Variants in OTUD7A observed in about 807,000 individuals in gnomAD.
OTUD7A encodes the protein OTU domain-containing protein 7A.
A neutral mutation model predicts 65.7 loss-of-function variants in OTUD7A; 12 were observed. That is an observed-to-expected ratio of 0.18 (90% CI 0.12 to 0.30). OTUD7A has a LOEUF of 0.30. Ranked by LOEUF, OTUD7A falls within the 10% of genes least tolerant of loss-of-function variation. The pLI, the probability that OTUD7A is intolerant of heterozygous loss-of-function variation, is 1.00. For synonymous variants in OTUD7A, 641 were observed against 586.3 expected (o/e 1.09, Z -1.35); for missense variants, 1,148 against 1,304.8 (o/e 0.88, Z 1.85).
chr15:31,697,527 G>A (rs1595713889), intron 1 of OTUD7A, among the ~76,000 whole-genome samples: 1 of 146,382 alleles, frequency 6.8e-6, no homozygotes, highest in African/African-American at 2.5e-5. Flanking sequence ...AGGGGCCACA[G>A]AAGACAAGGG....
At chr15:31,741,746 A>G (rs547260700) in intron 1 of OTUD7A, among the ~76,000 whole-genome samples, 1 of 152,218 alleles carries the variant, frequency 6.6e-6, no homozygotes, top group Admixed American at 6.5e-5. Flanking sequence ...CCAAAAATTT[A>G]GGAGCCAAAT....
chr15:31,487,817 G>A lies in OTUD7A; in HGVS notation c.1172-251C>T, dbSNP rs182140416. 4.0e-3 allele frequency among the ~76,000 whole-genome samples: 612 copies of A among 152,328 alleles called. 3 individuals carry two copies. Among genetic ancestry groups the A allele is most frequent in the Admixed American group, 0.014 (209 of 15,300 alleles). ...CTCTCTTTGGGTCTGTCCAATGGCA[G>A]ATACTCCATTGGGCAGCAGAATGGG... On this transcript the variant is annotated intron_variant, in intron 10 of 12. Transcript: ENST00000307050. The surrounding 1 kb of genome is among the most constrained non-coding windows in gnomAD (Gnocchi z 6.0).
chr15:31,625,801 T>C (rs1312837453), intron 3 of OTUD7A, among the ~76,000 whole-genome samples: 2 of 152,156 alleles, frequency 1.3e-5, no homozygotes, highest in African/African-American at 2.4e-5. Flanking sequence ...AACTGTGGTA[T>C]AGCCACACAA....
intron 1 of OTUD7A, among the ~76,000 whole-genome samples, chr15:31,724,481 T>C (rs1041738844): frequency 2.6e-5 from 4 of 152,256 alleles, no homozygotes; most frequent in African/African-American, 9.6e-5. Context: ...TTACATGATC[T>C]GTGCTTCATC....
intron 4 of OTUD7A, among the ~76,000 whole-genome samples, chr15:31,568,220 G>A (rs1450142934): frequency 3.9e-5 from 6 of 152,266 alleles, no homozygotes; most frequent in South Asian, 2.1e-4. Context: ...GAAAGCCACA[G>A]GGGCAGAGCT....
chr15:31,519,540 C>T (rs1176445118), intron 8 of OTUD7A, among the ~76,000 whole-genome samples: 3 of 152,184 alleles, frequency 2.0e-5, no homozygotes, highest in Admixed American at 2.0e-4. Context: ...CCACAGCTAA[C>T]AGCATACTTA....
At chr15:31,496,663 T>C (rs1449770714) in intron 10 of OTUD7A, among the ~76,000 whole-genome samples, 1 of 152,220 alleles carries the variant, frequency 6.6e-6, no homozygotes, top group African/African-American at 2.4e-5. Flanking sequence ...AAAGCATGGT[T>C]CATTGTCAAA....
intron 3 of OTUD7A, among the ~76,000 whole-genome samples, chr15:31,652,830 C>T (rs1386168873): frequency 6.6e-6 from 1 of 152,042 alleles, no homozygotes; most frequent in African/African-American, 2.4e-5. Context: ...GAAGAAATAC[C>T]AAGTGTTGAC....
chr15:31,704,600 G>C (rs1893285943), intron 1 of OTUD7A, among the ~76,000 whole-genome samples: 1 of 150,954 alleles, frequency 6.6e-6, no homozygotes. Context: ...GCTGTTCACA[G>C]AGCTACTTTA....
chr15:31,797,699 C>T lies in OTUD7A; in HGVS notation c.-100+72808G>A, dbSNP rs530774860. The stretch of plus-strand genomic sequence containing the variant: ...CCAAACTCTATCCTAAGCCTGGACG[C>T]ATGCTTACAGAATTTTAAGTGCCCT... On this transcript the variant is annotated intron_variant, in intron 1 of 12. Transcript: ENST00000307050. 3.3e-5 allele frequency among the ~76,000 whole-genome samples: 5 copies of T among 152,350 alleles called. No individual in the cohort carries two copies. In the East Asian group the frequency reaches 9.7e-4, roughly 29 times the overall value.
intron 1 of OTUD7A, chr15:31,767,815 T>C: frequency 1.2e-6 from 1 of 818,358 alleles, no homozygotes; most frequent in Non-Finnish European, 2.1e-6. Context: ...TATCTTTATC[T>C]TTGGAAAAGT....
At chr15:31,855,751 C>T (rs979169916) in intron 1 of OTUD7A, among the ~76,000 whole-genome samples, 3 of 152,154 alleles carry the variant, frequency 2.0e-5, no homozygotes, top group African/African-American at 7.2e-5. Context: ...ACCTTTCAAC[C>T]CCTGAGTGAG....
At chr15:31,751,476 T>C (rs909957607) in intron 1 of OTUD7A, among the ~76,000 whole-genome samples, 1 of 152,218 alleles carries the variant, frequency 6.6e-6, no homozygotes, top group Non-Finnish European at 1.5e-5. Context: ...GAAAGTAGAT[T>C]AGTTCAGCCA....
intron 1 of OTUD7A, among the ~76,000 whole-genome samples, chr15:31,680,174 T>C (rs1426509332): frequency 6.6e-6 from 1 of 152,188 alleles, no homozygotes; most frequent in African/African-American, 2.4e-5. Context: ...TTAACATTGC[T>C]AGTAGGAGAA....
chr15:31,730,361 T>C (rs1241835777), intron 1 of OTUD7A, among the ~76,000 whole-genome samples: 2 of 152,200 alleles, frequency 1.3e-5, no homozygotes, highest in Admixed American at 6.5e-5. Context: ...TTTTACTTTG[T>C]TTCCCCTTCT....
chr15:31,644,792 C>T (rs905903487), intron 3 of OTUD7A, among the ~76,000 whole-genome samples: 8 of 152,276 alleles, frequency 5.3e-5, no homozygotes, highest in Non-Finnish European at 1.0e-4. Flanking sequence ...GAAAAGTTTT[C>T]ATTACAGGGC....
chr15:31,697,837 C>T (rs539256724), intron 1 of OTUD7A, among the ~76,000 whole-genome samples: 48 of 152,346 alleles, frequency 3.2e-4, no homozygotes, highest in African/African-American at 8.2e-4. Flanking sequence ...TAGCATTGTG[C>T]CACTTCTCGA....
chr15:31,653,587 G>A (rs998530900), intron 3 of OTUD7A, among the ~76,000 whole-genome samples: 1 of 150,110 alleles, frequency 6.7e-6, no homozygotes, highest in Non-Finnish European at 1.5e-5. Flanking sequence ...AGCACTGACT[G>A]CCAGTGGTTG....
At chr15:31,852,076 C>A (rs1413073251) in intron 1 of OTUD7A, among the ~76,000 whole-genome samples, 1 of 152,206 alleles carries the variant, frequency 6.6e-6, no homozygotes, top group African/African-American at 2.4e-5. Flanking sequence ...TCAGGCTGGT[C>A]TTGAACTCCT....
Sources: gnomAD v4.1 joint callset for allele counts (sites outside exome capture counted in the v4.1 genomes callset) on GRCh38, gnomAD v4.1.1 for gene constraint, Gnocchi (gnomAD v3.1) non-coding constraint, MANE v1.5 for transcripts, NCBI Gene and HGNC (gene_info 2026-07-23, HGNC 2026-07-21) for gene names.